Variants in TAF12 observed in about 807,000 individuals in gnomAD.
The protein encoded by TAF12 is TATA-box binding protein associated factor 12.
A neutral mutation model predicts 20.8 loss-of-function variants in TAF12; 3 were observed. That is an observed-to-expected ratio of 0.14 (90% confidence interval 0.07 to 0.37). TAF12 has a LOEUF of 0.37. Ranked by LOEUF, TAF12 falls within the 10% of genes least tolerant of loss-of-function variation. The pLI is 1.00. For missense variants in TAF12, 131 were observed against 197.9 expected, an observed-to-expected ratio of 0.66 and a Z score of 2.03; for synonymous variants, 69 against 70.2, an observed-to-expected ratio of 0.98 and a Z score of 0.09.
At chr1:28,644,822 T>A (rs1668143207), upstream of TAF12, among the ~76,000 whole-genome samples, 1 of 152,198 alleles carries the variant, frequency 6.6e-6, no homozygotes, top group East Asian at 1.9e-4. Context: ...AGTCTGGACC[T>A]TTTAGCCTAG....
At chr1:28,620,699 C>T (rs9426389) in intron 2 of TAF12, among the ~76,000 whole-genome samples, 6,678 of 152,244 alleles carry the variant, frequency 0.044, 211 homozygotes, top group Middle Eastern at 0.088. Flanking sequence ...TCCCAAAGTG[C>T]TGGGATTACA....
chr1:28,643,079 C>G (rs1014950450), upstream of TAF12: 1 of 985,820 alleles, frequency 1.0e-6, no homozygotes, highest in Non-Finnish European at 1.2e-6. Flanking sequence ...CGCGGCCCTC[C>G]CCGACTACTT....
chr1:28,623,929 G>C, intron 1 of TAF12: 1 of 982,984 alleles, frequency 1.0e-6, no homozygotes, highest in Non-Finnish European at 1.2e-6. Context: ...GCTCACAGTA[G>C]CCTCAAACTT....
At chr1:28,605,015 T>G (rs1666617101) in intron 5 of TAF12, among the ~76,000 whole-genome samples, 1 of 152,144 alleles carries the variant, frequency 6.6e-6, no homozygotes, top group Non-Finnish European at 1.5e-5. Flanking sequence ...CCTCTCTTCA[T>G]AGGACCATAT....
chr1:28,628,806 T>C (rs1315621518), intron 1 of TAF12, among the ~76,000 whole-genome samples: 1 of 152,202 alleles, frequency 6.6e-6, no homozygotes, highest in Non-Finnish European at 1.5e-5. Flanking sequence ...GATGCGGTGG[T>C]TCATGCCTAC....
At chr1:28,645,948 A>G (rs1200189105), upstream of TAF12, 1 of 148,902 alleles carries the variant, frequency 6.7e-6, no homozygotes, top group Non-Finnish European at 1.5e-5. Flanking sequence ...AACCTGGGCA[A>G]CAGAGTGAGA....
In TAF12 at chr1:28,639,426, C is replaced by CAAAAA. The variant is rs58772752; in HGVS notation, c.-85+3561_-85+3565dup. 7.2e-4 allele frequency among the ~76,000 whole-genome samples: 64 copies of CAAAAA among 89,510 alleles called. 3 individuals are homozygous for CAAAAA. Among genetic ancestry groups the CAAAAA allele is most frequent in the African/African-American group, 3.0e-3 (62 of 20,558 alleles). 58.7% of individuals were successfully genotyped at this position (89,510 alleles called of 152,430 possible). ...AGTGAAAGAGCGAAACTCCGTCTCA[C>CAAAAA]AAAAAAAAAAAAAAAGGTAATATGT... On this transcript the variant is annotated intron_variant, in intron 1 of 5. Coordinates refer to ENST00000373824, the MANE Select transcript of TAF12 (RefSeq NM_005644.4).
chr1:28,628,909 CTAG>C (rs1441051132), intron 1 of TAF12, among the ~76,000 whole-genome samples: 1 of 152,156 alleles, frequency 6.6e-6, no homozygotes. Context: ...CCCCTCTCTA[CTAG>C]TAATACAAAA....
chr1:28,647,113 C>G (rs942944273), upstream of TAF12, among the ~76,000 whole-genome samples: 1 of 152,080 alleles, frequency 6.6e-6, no homozygotes, highest in African/African-American at 2.4e-5. Flanking sequence ...GGATTACAGG[C>G]ATGAGCCACC....
At chr1:28,620,970 C>A (rs1667203704) in intron 2 of TAF12, among the ~76,000 whole-genome samples, 1 of 152,110 alleles carries the variant, frequency 6.6e-6, no homozygotes, top group African/African-American at 2.4e-5. Flanking sequence ...CCTTTTCTAC[C>A]CATCCTGTCC....
At chr1:28,607,953 A>T (rs1317020614) in intron 4 of TAF12, among the ~76,000 whole-genome samples, 1 of 152,030 alleles carries the variant, frequency 6.6e-6, no homozygotes, top group Non-Finnish European at 1.5e-5. Flanking sequence ...CCTGGACAAC[A>T]TGGTGAAACC....
intron 1 of TAF12, among the ~76,000 whole-genome samples, chr1:28,622,625 A>T (rs893335469): frequency 6.6e-6 from 1 of 152,168 alleles, no homozygotes; most frequent in Non-Finnish European, 1.5e-5. Context: ...GCAGTAGCTC[A>T]TGTCTGTAAT....
intron 1 of TAF12, among the ~76,000 whole-genome samples, chr1:28,637,942 G>C (rs1177850874): frequency 6.6e-6 from 1 of 152,128 alleles, no homozygotes; most frequent in Non-Finnish European, 1.5e-5. Context: ...CTTGCTGATA[G>C]GAGTTTAAGA....
intron 1 of TAF12, among the ~76,000 whole-genome samples, chr1:28,625,564 C>T (rs965829075): frequency 8.1e-5 from 11 of 135,614 alleles, no homozygotes; most frequent in African/African-American, 2.0e-4. Flanking sequence ...TTTTTTGAGA[C>T]GGAGTCTCGC....
At chr1:28,610,407 T>A (rs535884602) in intron 4 of TAF12, among the ~76,000 whole-genome samples, 1 of 152,186 alleles carries the variant, frequency 6.6e-6, no homozygotes, top group Admixed American at 6.5e-5. Flanking sequence ...TCCTCCTGTC[T>A]TAGCTTCCTG....
chr1:28,646,978 G>A (rs574874764), upstream of TAF12, among the ~76,000 whole-genome samples: 3 of 151,378 alleles, frequency 2.0e-5, no homozygotes, highest in East Asian at 1.9e-4. Context: ...GATTACAGGC[G>A]TGAGCCACCG....
intron 4 of TAF12, among the ~76,000 whole-genome samples, chr1:28,607,873 A>G (rs1666719938): frequency 1.3e-5 from 2 of 151,846 alleles, no homozygotes; most frequent in African/African-American, 4.8e-5. Flanking sequence ...ACGATGATTC[A>G]CACCTGTAAT....
At chr1:28,613,071 T>C (rs1666919231) in intron 4 of TAF12, among the ~76,000 whole-genome samples, 176 bp downstream of exon 4, 1 of 152,254 alleles carries the variant, frequency 6.6e-6, no homozygotes, top group African/African-American at 2.4e-5. Flanking sequence ...CCTGGGCTCA[T>C]TCTCCCTACC....
chr1:28,618,595 T>G (rs150721859), intron 2 of TAF12, among the ~76,000 whole-genome samples: 229 of 150,390 alleles, frequency 1.5e-3, no homozygotes, highest in African/African-American at 5.4e-3. Flanking sequence ...AGCCTGCTCT[T>G]GAACTCCTGG....
Sources: gnomAD v4.1 joint callset for allele counts (sites outside exome capture counted in the v4.1 genomes callset) on GRCh38, gnomAD v4.1.1 for gene constraint, MANE v1.5 for transcripts, NCBI Gene and HGNC (gene_info 2026-07-23, HGNC 2026-07-21) for gene names.